PALS2: variants seen among roughly 807,000 people sequenced by gnomAD.
PALS2 encodes the protein protein associated with LIN7 2, MAGUK p55 family member, also known as protein PALS2.
Under a neutral mutation model 61.6 loss-of-function variants are expected in PALS2, and 27 were observed. The ratio of observed to expected loss-of-function variants is 0.44; its 90% CI spans 0.32 to 0.60. The LOEUF is 0.60. Ranked by LOEUF, PALS2 falls within the 20% of genes least tolerant of loss-of-function variation. The pLI is 0.05. For missense variants in PALS2, 554 were observed against 639.4 expected (o/e 0.87, Z 1.44); for synonymous variants, 236 against 218.6 (o/e 1.08, Z -0.70).
chr7:24,581,239 C>A (rs1276389065), intron 1 of PALS2, among the ~76,000 whole-genome samples: 1 of 139,218 alleles, frequency 7.2e-6, no homozygotes, highest in Non-Finnish European at 1.5e-5. Flanking sequence ...TCTTTCATTT[C>A]CCCACGTGTG....
At chr7:24,644,226 A>G (rs1785715242) in intron 3 of PALS2, among the ~76,000 whole-genome samples, 1 of 151,700 alleles carries the variant, frequency 6.6e-6, no homozygotes, top group Non-Finnish European at 1.5e-5. Flanking sequence ...CCAGTACCCA[A>G]TAGTTATCTT....
At position 24,666,177 on chromosome 7, in the gene PALS2, TG is replaced by T. The variant is rs1317764063; in HGVS notation, c.952+89del. The T allele has an allele frequency of 2.5e-6, 3 of 1,176,998 alleles. No individual in the cohort carries two copies. In the African/African-American group the frequency reaches 4.6e-5, roughly 18 times the overall value. The allele number at this position is 1,176,998 out of a possible 1,614,324, so 72.9% of individuals were successfully genotyped here. On this transcript the variant is annotated intron_variant, in intron 8 of 11. Coordinates refer to ENST00000222644, the MANE Select transcript of PALS2 (RefSeq NM_001303037.2). ...TAAACTCTGAATATACAGCTTTAAG[TG>T]AGTGTAATTCAGATTAGTACCTAGT...
intron 11 of PALS2, among the ~76,000 whole-genome samples, chr7:24,686,947 A>C (rs1263289983): frequency 6.6e-6 from 1 of 152,234 alleles, no homozygotes; most frequent in East Asian, 1.9e-4. Context: ...GAGGATGGGC[A>C]GCATGTAAGG....
intron 2 of PALS2, among the ~76,000 whole-genome samples, chr7:24,640,157 A>T (rs1437986325): frequency 6.6e-6 from 1 of 150,398 alleles, no homozygotes; most frequent in Non-Finnish European, 1.5e-5. Context: ...CCTCTATTTC[A>T]ATTACTTTTG....
At chr7:24,598,776 C>T (rs901197847) in intron 1 of PALS2, among the ~76,000 whole-genome samples, 2 of 152,128 alleles carry the variant, frequency 1.3e-5, no homozygotes, top group African/African-American at 4.8e-5. Flanking sequence ...TGCAAGGATT[C>T]TGTGTATGGT....
intron 1 of PALS2, among the ~76,000 whole-genome samples, chr7:24,588,747 A>C (rs1301410694): frequency 6.6e-6 from 1 of 152,230 alleles, no homozygotes; most frequent in Non-Finnish European, 1.5e-5. Context: ...GAAAACACTG[A>C]AATTCTAGAA....
intron 11 of PALS2, among the ~76,000 whole-genome samples, chr7:24,682,488 C>A (rs113338542): frequency 2.5e-4 from 38 of 152,282 alleles, no homozygotes; most frequent in African/African-American, 8.9e-4. Flanking sequence ...CTGTAGGCTC[C>A]TTTGGGCTCA....
chr7:24,582,285 T>G (rs962609237), intron 1 of PALS2, among the ~76,000 whole-genome samples: 2 of 152,180 alleles, frequency 1.3e-5, no homozygotes, highest in South Asian at 2.1e-4. Flanking sequence ...ATAAAGAAAA[T>G]GAAATCCTAT....
At chr7:24,646,562 T>G (rs372302279) in intron 3 of PALS2, among the ~76,000 whole-genome samples, 2 of 152,254 alleles carry the variant, frequency 1.3e-5, no homozygotes, top group African/African-American at 4.8e-5. Context: ...GCAAGTATTT[T>G]GTTGAGGATT....
At position 24,693,116 on chromosome 7, in the gene PALS2, G is replaced by T. The variant is rs764280916; in HGVS notation, c.*5502G>T. ...GGCTCTTACTGTTTTCTAATCTCCA[G>T]TGTAAATGGAATGAACACATCTATA... On this transcript the variant is annotated 3_prime_UTR_variant, in exon 12 of 12. Coordinates refer to ENST00000222644, the MANE Select transcript of PALS2 (RefSeq NM_001303037.2). 3.3e-5 allele frequency: 5 copies of T among 152,086 alleles called. No individual in the cohort carries two copies. The South Asian group carries it at 6.2e-4, about 19-fold the overall frequency. 9.4% of individuals were successfully genotyped at this position (152,086 alleles called of 1,614,324 possible). A position where few individuals can be genotyped will look rare whatever the true frequency, so the allele number is the denominator to read the frequency against.
intron 1 of PALS2, among the ~76,000 whole-genome samples, chr7:24,609,738 GC>G: frequency 6.6e-6 from 1 of 151,720 alleles, no homozygotes; most frequent in South Asian, 2.1e-4. Flanking sequence ...CCCATTCAGA[GC>G]CCTCCCCAAA....
chr7:24,683,346 G>A (rs1788031191), intron 11 of PALS2, among the ~76,000 whole-genome samples: 1 of 152,126 alleles, frequency 6.6e-6, no homozygotes, highest in Non-Finnish European at 1.5e-5. Context: ...TATTCCCCAA[G>A]AGCCTCTAGA....
intron 5 of PALS2, among the ~76,000 whole-genome samples, chr7:24,653,549 T>G (rs1192702564): frequency 1.3e-5 from 2 of 152,154 alleles, no homozygotes; most frequent in African/African-American, 4.8e-5. Flanking sequence ...GAAATTCCAC[T>G]TTCGTTTTCA....
At chr7:24,652,095 T>C (rs1481923800) in intron 5 of PALS2, among the ~76,000 whole-genome samples, 1 of 152,202 alleles carries the variant, frequency 6.6e-6, no homozygotes, top group Non-Finnish European at 1.5e-5. Flanking sequence ...TATTCCTCAG[T>C]TGGCAACTTT....
chr7:24,679,354 A>C, intron 10 of PALS2, 21 bp downstream of exon 10: 1 of 1,610,258 alleles, frequency 6.2e-7, no homozygotes, highest in Middle Eastern at 1.7e-4. Flanking sequence ...TGGATTCCAA[A>C]GCTGTTTTAT....
At chr7:24,632,309 C>T (rs1325795469) in intron 2 of PALS2, among the ~76,000 whole-genome samples, 1 of 152,118 alleles carries the variant, frequency 6.6e-6, no homozygotes, top group African/African-American at 2.4e-5. Flanking sequence ...TTCTCCATAC[C>T]TTTAGTTTTA....
chr7:24,672,610 A>G (rs1458614806), intron 9 of PALS2, among the ~76,000 whole-genome samples: 2 of 152,056 alleles, frequency 1.3e-5, no homozygotes, highest in Non-Finnish European at 2.9e-5. Context: ...TCATTGTACA[A>G]ATATTATGCT....
At chr7:24,614,381 T>TC (rs1010921152) in intron 1 of PALS2, among the ~76,000 whole-genome samples, 8 of 151,930 alleles carry the variant, frequency 5.3e-5, no homozygotes, top group Admixed American at 3.3e-4. Context: ...ATTTATCAGT[T>TC]CCAAGAGTTT....
chr7:24,626,989 G>A (rs915645327), intron 2 of PALS2, among the ~76,000 whole-genome samples: 1 of 152,100 alleles, frequency 6.6e-6, no homozygotes, highest in Non-Finnish European at 1.5e-5. Context: ...AGGATATTCA[G>A]AATTTGAACT....
Sources: allele counts gnomAD v4.1 joint callset (sites outside exome capture counted in the v4.1 genomes callset), GRCh38; gene constraint gnomAD v4.1.1; transcripts MANE v1.5; gene names NCBI Gene and HGNC (gene_info 2026-07-23, HGNC 2026-07-21).